The following RAD51B variants were observed in gnomAD, a reference collection of about 807,000 sequenced individuals.
RAD51B encodes DNA repair protein RAD51 homolog 2.
In RAD51B, 38 loss-of-function variants were observed where a neutral mutation model predicts 42.2. The ratio of observed to expected loss-of-function variants is 0.90; its 90% CI spans 0.70 to 1.18. The LOEUF (loss-of-function observed/expected upper bound fraction) is 1.18. Among genes scored for constraint, RAD51B ranks in the 50% most tolerant of loss-of-function variants. The pLI, the probability that RAD51B is intolerant of heterozygous loss-of-function variation, is 0.00. For missense variants in RAD51B, 373 were observed against 400.7 expected (o/e 0.93, Z 0.59); for synonymous variants, 154 against 145.2 (o/e 1.06, Z -0.43).
chr14:68,068,649 G>C (rs1161851861), intron 7 of RAD51B, among the ~76,000 whole-genome samples: 1 of 152,026 alleles, frequency 6.6e-6, no homozygotes, highest in Non-Finnish European at 1.5e-5. Context: ...TACTTCCTAG[G>C]TCATATGTTA....
intron 7 of RAD51B, among the ~76,000 whole-genome samples, chr14:68,183,466 C>G (rs2140888243): frequency 6.6e-6 from 1 of 152,332 alleles, no homozygotes; most frequent in South Asian, 2.1e-4. Flanking sequence ...GGGTCTGCTT[C>G]TCCAAGTCCA....
intron 9 of RAD51B, among the ~76,000 whole-genome samples, chr14:68,417,002 A>G (rs1042272754): frequency 1.1e-4 from 17 of 152,320 alleles, no homozygotes; most frequent in Middle Eastern, 3.4e-3. Flanking sequence ...TTTTTCCCAG[A>G]TAAGCTAAAG....
chr14:68,665,860 G>A (rs1290152774), intron 11 of RAD51B, among the ~76,000 whole-genome samples: 3 of 152,158 alleles, frequency 2.0e-5, no homozygotes, highest in Non-Finnish European at 2.9e-5. Flanking sequence ...TTTCAGTGCA[G>A]CCAACTTTAC....
chr14:68,420,797 T>C (rs944598517), intron 9 of RAD51B, among the ~76,000 whole-genome samples: 7 of 152,210 alleles, frequency 4.6e-5, no homozygotes, highest in African/African-American at 1.7e-4. Flanking sequence ...CCTAACCTCC[T>C]GGGAATACAG....
chr14:68,634,948 C>A (rs886308489), intron 10 of RAD51B, among the ~76,000 whole-genome samples: 1 of 152,148 alleles, frequency 6.6e-6, no homozygotes, highest in African/African-American at 2.4e-5. Flanking sequence ...GGCTCTGGGG[C>A]CTGCCTCAAG....
chr14:68,045,254 A>G (rs1041411489), intron 7 of RAD51B, among the ~76,000 whole-genome samples: 1 of 150,840 alleles, frequency 6.6e-6, no homozygotes, highest in Admixed American at 6.6e-5. Flanking sequence ...AAAAAAAAAA[A>G]AAAAAAAAAG....
intron 10 of RAD51B, among the ~76,000 whole-genome samples, chr14:68,607,273 A>C (rs1288595076): frequency 6.6e-6 from 1 of 152,222 alleles, no homozygotes; most frequent in East Asian, 1.9e-4. Flanking sequence ...TTTGCTCTCC[A>C]TTGGTCCCAG....
chr14:68,004,332 CAAA>C (rs767211363), intron 7 of RAD51B, among the ~76,000 whole-genome samples: 20 of 57,500 alleles, frequency 3.5e-4, no homozygotes, highest in African/African-American at 6.3e-4. Context: ...GACTCCGTCT[CAAA>C]AAAAAAAAAA....
At chr14:67,879,903 A>G (rs1258702403) in intron 5 of RAD51B, among the ~76,000 whole-genome samples, 1 of 152,242 alleles carries the variant, frequency 6.6e-6, no homozygotes, top group Non-Finnish European at 1.5e-5. Flanking sequence ...ATAGTTGCTT[A>G]GAGGTTAGTT....
rs145676307 is a variant in RAD51B, at chr14:68,375,255, G to A, written c.854-36169G>A. 3.9e-3 allele frequency among the ~76,000 whole-genome samples: 596 copies of A among 152,050 alleles called. 7 individuals carry two copies. Among genetic ancestry groups the A allele is most frequent in the African/African-American group, 0.014 (569 of 41,442 alleles). ...AATTTTCCTAACACCCTCCTTCCCCGCTCTCAGCTTCAGTGGCTGGGGTGG... is the reference window on the plus strand; with the variant it reads ...AATTTTCCTAACACCCTCCTTCCCCACTCTCAGCTTCAGTGGCTGGGGTGG... On this transcript the variant is annotated intron_variant, in intron 8 of 10. Transcript: ENST00000471583.
intron 7 of RAD51B, among the ~76,000 whole-genome samples, chr14:68,037,663 A>C (rs926128717): frequency 6.6e-6 from 1 of 152,336 alleles, no homozygotes; most frequent in African/African-American, 2.4e-5. Flanking sequence ...AATGTCTTAA[A>C]TGTTGCAATT....
At chr14:67,891,296 A>G (rs2043211443) in intron 7 of RAD51B, among the ~76,000 whole-genome samples, 1 of 152,152 alleles carries the variant, frequency 6.6e-6, no homozygotes, top group Non-Finnish European at 1.5e-5. Flanking sequence ...AGTTGTTGTT[A>G]AAATCCAAAT....
intron 10 of RAD51B, among the ~76,000 whole-genome samples, chr14:68,560,950 G>A (rs1430856820): frequency 2.0e-5 from 3 of 152,154 alleles, no homozygotes; most frequent in African/African-American, 7.2e-5. Flanking sequence ...TACTGCTTCC[G>A]GGCAGAAAAT....
downstream of RAD51B, among the ~76,000 whole-genome samples, chr14:68,613,933 C>T (rs1442652152): frequency 6.6e-5 from 10 of 152,170 alleles, no homozygotes; most frequent in Non-Finnish European, 1.2e-4. Flanking sequence ...CCATTCAGAA[C>T]GCCCAATTTA....
chr14:68,561,476 C>T (rs986196542), intron 10 of RAD51B, among the ~76,000 whole-genome samples: 6 of 152,104 alleles, frequency 3.9e-5, no homozygotes, highest in African/African-American at 7.2e-5. Flanking sequence ...TGCAGAGCAC[C>T]GCTGGGGACA....
At chr14:68,274,905 G>A (rs1206471244) in intron 7 of RAD51B, among the ~76,000 whole-genome samples, 1 of 151,988 alleles carries the variant, frequency 6.6e-6, no homozygotes. Context: ...TTCTTTTTAG[G>A]CAAAAACACT....
chr14:68,258,121 T>G (rs547553031), intron 7 of RAD51B, among the ~76,000 whole-genome samples: 1 of 152,214 alleles, frequency 6.6e-6, no homozygotes, highest in East Asian at 1.9e-4. Context: ...GTGATATGAT[T>G]AGTCAAATTT....
At position 68,658,026 on chromosome 14, in the gene RAD51B, G is replaced by T. The variant is rs199859613; in HGVS notation, c.*11+7170G>T. ...CTGCTCATTATTTGCCTGAGTGACA[G>T]CTCCTTGCCTTGGCCCAGGCACTGA... On this transcript the variant is annotated intron_variant, in intron 11 of 11. Coordinates refer to the RAD51B transcript ENST00000488612. 2.0e-5 allele frequency among the ~76,000 whole-genome samples: 3 copies of T among 152,236 alleles called. No individual in the cohort carries two copies. The East Asian group carries it at 5.8e-4, about 29-fold the overall frequency.
At chr14:68,130,311 A>G (rs2077860082) in intron 7 of RAD51B, 1 of 152,202 alleles carries the variant, frequency 6.6e-6, no homozygotes, top group Non-Finnish European at 1.5e-5. Context: ...CAACATTCTT[A>G]TTATATACAT....
Sources: allele counts gnomAD v4.1 joint callset (sites outside exome capture counted in the v4.1 genomes callset), GRCh38; gene constraint gnomAD v4.1.1; transcripts MANE v1.5; gene names NCBI Gene and HGNC (gene_info 2026-07-23, HGNC 2026-07-21).